The following PLPP3 variants were observed in gnomAD, a reference collection of about 807,000 sequenced individuals.
PLPP3 encodes PAP2 beta.
A neutral mutation model predicts 29.6 loss-of-function variants in PLPP3; 6 were observed. That is an observed-to-expected ratio of 0.20 (90% CI 0.11 to 0.40). The LOEUF (loss-of-function observed/expected upper bound fraction) is 0.40. Among genes scored for constraint, PLPP3 ranks in the 10% least tolerant of loss-of-function variants. The pLI is 1.00. For missense variants in PLPP3, 308 were observed against 407.7 expected, an observed-to-expected ratio of 0.76 and a Z score of 2.11; for synonymous variants, 152 against 159.7, an observed-to-expected ratio of 0.95 and a Z score of 0.36.
At chr1:56,508,557 TC>T (rs1349058972) in intron 5 of PLPP3, among the ~76,000 whole-genome samples, 2 of 152,180 alleles carry the variant, frequency 1.3e-5, no homozygotes, top group African/African-American at 4.8e-5. Flanking sequence ...TCTCTGTGTT[TC>T]AAAAACCATT....
intron 1 of PLPP3, among the ~76,000 whole-genome samples, chr1:56,559,902 G>T (rs981195777): frequency 3.9e-5 from 6 of 152,130 alleles, no homozygotes; most frequent in African/African-American, 1.2e-4. Flanking sequence ...GATGGTCACT[G>T]GTACTGGGCA....
intron 1 of PLPP3, chr1:56,538,850 G>T: frequency 6.5e-6 from 1 of 154,472 alleles, no homozygotes; most frequent in East Asian, 1.9e-4. Flanking sequence ...CAAGAGAAGT[G>T]CAACTTTGTG....
In PLPP3 at chr1:56,538,960, A is replaced by AAAAAAAAAAAAC. The variant is rs1553137991; in HGVS notation, c.140-1860_140-1849dup. 9 of 68,024 alleles carry AAAAAAAAAAAAC rather than the reference A, an allele frequency of 1.3e-4. 2 individuals are homozygous for AAAAAAAAAAAAC. Among genetic ancestry groups the AAAAAAAAAAAAC allele is most frequent in the African/African-American group, 5.3e-4 (9 of 16,882 alleles). 4.2% of individuals were successfully genotyped at this position (68,024 alleles called of 1,614,324 possible). On this transcript the variant is annotated intron_variant, in intron 1 of 5. Coordinates refer to ENST00000371250, the MANE Select transcript of PLPP3 (RefSeq NM_003713.5). The stretch of plus-strand genomic sequence containing the variant: ...AATAAATACAAGACTTCTGGGCTGC[A>AAAAAAAAAAAAC]AAAAAAAAAAACACAGTGGATAATA...
chr1:56,555,419 G>A (rs577405014), intron 1 of PLPP3, among the ~76,000 whole-genome samples: 73 of 106,372 alleles, frequency 6.9e-4, no homozygotes, highest in African/African-American at 2.5e-3. Context: ...TGCAGGAGAA[G>A]GAAGGCCAAA....
At chr1:56,537,260 T>G (rs1167412892) in intron 1 of PLPP3, 148 bp from the exon 2 acceptor site, 4 of 936,494 alleles carry the variant, frequency 4.3e-6, no homozygotes, top group South Asian at 1.8e-5. Context: ...AGAGATCTAC[T>G]GCCTAGAGAG....
intron 5 of PLPP3, among the ~76,000 whole-genome samples, chr1:56,505,904 T>C (rs1645698995): frequency 6.6e-6 from 1 of 152,208 alleles, no homozygotes; most frequent in Admixed American, 6.5e-5. Flanking sequence ...TGTAGAGTAC[T>C]ACAAAGATAG....
chr1:56,528,084 A>G (rs1464126421), intron 2 of PLPP3, among the ~76,000 whole-genome samples: 1 of 152,152 alleles, frequency 6.6e-6, no homozygotes, highest in Non-Finnish European at 1.5e-5. Context: ...AAATGCCTTC[A>G]ATGTTGATCC....
In PLPP3 at chr1:56,555,445, A is replaced by AAC. The variant is rs1207658539; in HGVS notation, c.140-18334_140-18333insGT. Among the ~76,000 whole-genome samples, 12 of 148,130 alleles carry AAC rather than the reference A, an allele frequency of 8.1e-5. No homozygotes were observed. The South Asian group carries it at 1.9e-3, about 24-fold the overall frequency. ...GAAGGCCAAACACTAAAAAAAAAAA[A>AAC]AAAAAAAAAAAAAAACAAAAAACAA... is the stretch of plus-strand genomic sequence containing the variant. On this transcript the variant is annotated intron_variant, in intron 1 of 5. Coordinates refer to ENST00000371250, the MANE Select transcript of PLPP3 (RefSeq NM_003713.5).
chr1:56,567,414 T>C (rs1646168244), intron 1 of PLPP3, among the ~76,000 whole-genome samples: 1 of 110,326 alleles, frequency 9.1e-6, no homozygotes, highest in Admixed American at 8.4e-5. Context: ...TTTTTTTTTT[T>C]TGAGATGGAG....
chr1:56,496,711 T>A, intron 5 of PLPP3, 35 bp from the exon 6 acceptor site: 2 of 1,610,804 alleles, frequency 1.2e-6, no homozygotes, highest in Non-Finnish European at 1.7e-6. Context: ...AGTCAGTAAC[T>A]GACATCGGGG....
chr1:56,551,080 C>T (rs1279743365), intron 1 of PLPP3, among the ~76,000 whole-genome samples: 1 of 152,134 alleles, frequency 6.6e-6, no homozygotes, highest in Non-Finnish European at 1.5e-5. Flanking sequence ...CAATGTTGTA[C>T]TCTGTCGTGG....
chr1:56,545,574 C>T (rs759816085), intron 1 of PLPP3, among the ~76,000 whole-genome samples: 5 of 152,112 alleles, frequency 3.3e-5, no homozygotes, highest in African/African-American at 1.2e-4. Flanking sequence ...TAGCAAGACC[C>T]GGAACCCTGA....
chr1:56,503,809 C>T (rs1313810566), intron 5 of PLPP3, among the ~76,000 whole-genome samples: 1 of 152,198 alleles, frequency 6.6e-6, no homozygotes, highest in African/African-American at 2.4e-5. Context: ...GAGACAGAGT[C>T]TTGCTCTGTC....
chr1:56,578,887 G>A lies in PLPP3; in HGVS notation c.130C>T (p.Leu44Phe). 1 of 1,586,426 alleles carries A rather than the reference G, an allele frequency of 6.3e-7. No individual in the cohort carries two copies. Among genetic ancestry groups the A allele is most frequent in the Non-Finnish European group, 8.6e-7 (1 of 1,168,764 alleles). ...VLLICLDLFC[L>F]FMAGLPFLII... ...GCGGGGCTGGGCTCACCCATGAAGA[G>A]GCAGAAGAGGTCGAGGCAGATGAGC... The change falls in exon 1 of 6, where the codon CTC becomes TTC. Residue 44 changes from leucine (L) to phenylalanine (F), a missense_variant. By Grantham distance (22) the Leu-to-Phe change is conservative. Coordinates refer to ENST00000371250, the MANE Select transcript of PLPP3 (RefSeq NM_003713.5).
At chr1:56,574,469 G>A (rs1646221902) in intron 1 of PLPP3, among the ~76,000 whole-genome samples, 1 of 152,028 alleles carries the variant, frequency 6.6e-6, no homozygotes, top group Non-Finnish European at 1.5e-5. Flanking sequence ...TGCCCAAGCT[G>A]ATCTCGAACT....
chr1:56,574,610 T>A (rs953424157), intron 1 of PLPP3, among the ~76,000 whole-genome samples: 1 of 152,134 alleles, frequency 6.6e-6, no homozygotes, highest in African/African-American at 2.4e-5. Flanking sequence ...AATTTACCGG[T>A]TGATTAATGA....
chr1:56,557,383 A>AAAAGG (rs1344604587), intron 1 of PLPP3, among the ~76,000 whole-genome samples: 2 of 152,056 alleles, frequency 1.3e-5, no homozygotes, highest in Admixed American at 6.5e-5. Context: ...TCTCAAAAGA[A>AAAAGG]AAAGGAAAGG....
rs77173061 is a variant in PLPP3, at chr1:56,560,179, C to T, written c.139+18699G>A. Among the ~76,000 whole-genome samples the T allele has an allele frequency of 8.9e-3, 1,356 of 152,288 alleles. 19 individuals are homozygous for T. The highest frequency in any genetic ancestry group is 0.028 in the African/African-American group (1,153 of 41,562). On this transcript the variant is annotated intron_variant, in intron 1 of 5. Coordinates refer to ENST00000371250, the MANE Select transcript of PLPP3 (RefSeq NM_003713.5). ...AGATTCAAGGACTGAAACCTCTCCC[C>T]ATTCATCATTAGACCTCGACACCCA...
chr1:56,524,190 T>TA lies in PLPP3; in HGVS notation c.575+86dup. The TA allele has an allele frequency of 6.6e-7, 1 of 1,511,160 alleles. No individual in the cohort carries two copies. Among genetic ancestry groups the TA allele is most frequent in the Non-Finnish European group, 9.0e-7 (1 of 1,108,420 alleles). 93.6% of individuals were successfully genotyped at this position (1,511,160 alleles called of 1,614,324 possible). A position where few individuals can be genotyped will look rare whatever the true frequency, so the allele number is the denominator to read the frequency against. ...AGGAACTATGCCTTATTCACCCATC[T>TA]AAACCAGGGCCCAGCTAGTAAGTGC... On this transcript the variant is annotated intron_variant, in intron 3 of 5. Transcript: ENST00000371250. The surrounding 1 kb of genome is among the most constrained non-coding windows in gnomAD (Gnocchi z 4.3).
Sources: gnomAD v4.1 joint callset for allele counts (sites outside exome capture counted in the v4.1 genomes callset) on GRCh38, gnomAD v4.1.1 for gene constraint, Gnocchi (gnomAD v3.1) non-coding constraint, MANE v1.5 for transcripts, NCBI Gene and HGNC (gene_info 2026-07-23, HGNC 2026-07-21) for gene names.